The following NLGN1 variants were observed in gnomAD, a reference collection of about 807,000 sequenced individuals.
NLGN1 encodes neuroligin 1, also known as neuroligin-1.
A neutral mutation model predicts 65.5 loss-of-function variants in NLGN1; 12 were observed. The ratio of observed to expected loss-of-function variants is 0.18; its 90% CI spans 0.12 to 0.30. The LOEUF (loss-of-function observed/expected upper bound fraction) is 0.30. Among genes scored for constraint, NLGN1 ranks in the 10% least tolerant of loss-of-function variants. The pLI, the probability that NLGN1 is intolerant of heterozygous loss-of-function variation, is 1.00. For synonymous variants in NLGN1, 350 were observed against 359.5 expected (o/e 0.97, Z 0.30); for missense variants, 750 against 1,007.1 (o/e 0.74, Z 3.46).
At chr3:173,609,388 A>G (rs1472379625) in intron 3 of NLGN1, among the ~76,000 whole-genome samples, 1 of 151,952 alleles carries the variant, frequency 6.6e-6, no homozygotes, top group South Asian at 2.1e-4. Flanking sequence ...CGTGATTTTC[A>G]AAAGTGTTTT....
intron 3 of NLGN1, among the ~76,000 whole-genome samples, chr3:173,689,367 G>A (rs1394095367): frequency 2.6e-5 from 4 of 152,124 alleles, no homozygotes; most frequent in African/African-American, 9.7e-5. Flanking sequence ...GGTAATGGAG[G>A]AGGCAGCCCC....
intron 4 of NLGN1, among the ~76,000 whole-genome samples, chr3:174,026,482 C>T (rs1285948650): frequency 6.6e-6 from 1 of 151,964 alleles, no homozygotes; most frequent in Non-Finnish European, 1.5e-5. Flanking sequence ...TATGGATCAT[C>T]TTAAAAATGA....
chr3:173,553,027 T>C (rs1189468276), intron 2 of NLGN1, among the ~76,000 whole-genome samples: 1 of 152,142 alleles, frequency 6.6e-6, no homozygotes, highest in Admixed American at 6.5e-5. Flanking sequence ...GTACTATGTT[T>C]TAGTAAAATT....
chr3:173,925,573 G>A (rs769834364), intron 4 of NLGN1, among the ~76,000 whole-genome samples: 73 of 152,234 alleles, frequency 4.8e-4, no homozygotes, highest in Middle Eastern at 3.4e-3. Context: ...GCTAACCTGG[G>A]AGCTGGAAGA....
exon 7 of NLGN1, chr3:174,284,104 A>ATGAT (rs772016520): frequency 2.6e-5 from 4 of 151,336 alleles, no homozygotes; most frequent in Non-Finnish European, 5.9e-5. Flanking sequence ...ATTTAGGAAA[A>ATGAT]TGATTGAGGA....
chr3:174,193,834 G>A (rs1577299960), intron 4 of NLGN1, among the ~76,000 whole-genome samples: 1 of 151,890 alleles, frequency 6.6e-6, no homozygotes, highest in Non-Finnish European at 1.5e-5. Flanking sequence ...ATTCTTCTCT[G>A]ACATTGTTTA....
intron 4 of NLGN1, among the ~76,000 whole-genome samples, chr3:173,902,838 T>C (rs1371266730): frequency 6.6e-6 from 1 of 152,044 alleles, no homozygotes; most frequent in Non-Finnish European, 1.5e-5. Context: ...CAAAAATGCA[T>C]TTTGTGAACT....
chr3:174,138,230 A>T (rs1288813071), intron 4 of NLGN1, among the ~76,000 whole-genome samples: 1 of 152,142 alleles, frequency 6.6e-6, no homozygotes, highest in Non-Finnish European at 1.5e-5. Flanking sequence ...TTGGCATAGA[A>T]ATTTAGTTCC....
intron 3 of NLGN1, among the ~76,000 whole-genome samples, chr3:173,699,659 G>A (rs1440367103): frequency 6.6e-6 from 1 of 152,156 alleles, no homozygotes; most frequent in Non-Finnish European, 1.5e-5. Flanking sequence ...TAGCCTTTGT[G>A]GCCTTGAGTT....
At chr3:173,626,736 T>G (rs1183711671) in intron 3 of NLGN1, among the ~76,000 whole-genome samples, 1 of 152,122 alleles carries the variant, frequency 6.6e-6, no homozygotes, top group African/African-American at 2.4e-5. Context: ...TGTCACCATT[T>G]GGAAATATTT....
intron 4 of NLGN1, among the ~76,000 whole-genome samples, chr3:173,859,473 G>A (rs1054165089): frequency 1.3e-5 from 2 of 152,042 alleles, no homozygotes; most frequent in Admixed American, 6.6e-5. Flanking sequence ...AGAGAACCCC[G>A]ATGCCTGTAA....
chr3:173,755,774 C>G (rs947936386), intron 3 of NLGN1, among the ~76,000 whole-genome samples: 10 of 152,110 alleles, frequency 6.6e-5, no homozygotes, highest in Non-Finnish European at 1.5e-4. Flanking sequence ...CTAGCACACT[C>G]AAGAACCCTG....
chr3:173,410,315 A>G (rs187848488), intron 1 of NLGN1, among the ~76,000 whole-genome samples: 25 of 152,334 alleles, frequency 1.6e-4, no homozygotes, highest in Admixed American at 9.8e-4. Flanking sequence ...CCCTCCATAC[A>G]TAAACACGGA....
At chr3:174,198,579 A>G (rs1733873761) in intron 4 of NLGN1, among the ~76,000 whole-genome samples, 2 of 152,212 alleles carry the variant, frequency 1.3e-5, no homozygotes, top group Admixed American at 1.3e-4. Flanking sequence ...TGCTTATTTC[A>G]TAATAGTCCC....
At chr3:174,100,223 A>C (rs917164435) in intron 4 of NLGN1, among the ~76,000 whole-genome samples, 12 of 152,078 alleles carry the variant, frequency 7.9e-5, no homozygotes, top group African/African-American at 2.9e-4. Flanking sequence ...TAGACAACTA[A>C]GGAATCTTTC....
chr3:173,845,659 A>G (rs547964527), intron 4 of NLGN1, among the ~76,000 whole-genome samples: 24 of 149,248 alleles, frequency 1.6e-4, no homozygotes, highest in Non-Finnish European at 3.0e-4. Context: ...TAAATAGACG[A>G]ATTATTCCAG....
chr3:173,955,264 G>A (rs1711713136), intron 4 of NLGN1, among the ~76,000 whole-genome samples: 1 of 152,166 alleles, frequency 6.6e-6, no homozygotes, highest in African/African-American at 2.4e-5. Flanking sequence ...AATTTGGTAT[G>A]TGAACCATCT....
chr3:174,149,657 A>T (rs1299501267), intron 4 of NLGN1, among the ~76,000 whole-genome samples: 1 of 152,166 alleles, frequency 6.6e-6, no homozygotes, highest in African/African-American at 2.4e-5. Context: ...CATTAAAGAA[A>T]TATTGATAAA....
intron 3 of NLGN1, among the ~76,000 whole-genome samples, chr3:173,629,944 A>G (rs766044112): frequency 3.3e-5 from 5 of 152,190 alleles, no homozygotes; most frequent in Non-Finnish European, 7.4e-5. Context: ...GTGTATGCCA[A>G]AAATAGAGGA....
Sources: allele counts gnomAD v4.1 joint callset (sites outside exome capture counted in the v4.1 genomes callset), GRCh38; gene constraint gnomAD v4.1.1; transcripts MANE v1.5; gene names NCBI Gene and HGNC (gene_info 2026-07-23, HGNC 2026-07-21).